AP3D1: variants seen among roughly 807,000 people sequenced by gnomAD.
AP3D1 encodes adaptor related protein complex 3 subunit delta 1.
A neutral mutation model predicts 147.6 loss-of-function variants in AP3D1; 51 were observed. The ratio of observed to expected loss-of-function variants is 0.35; its 90% CI spans 0.28 to 0.44. The LOEUF (loss-of-function observed/expected upper bound fraction) is 0.44, where lower values mean the gene tolerates loss of function less well. Among genes scored for constraint, AP3D1 ranks in the 20% least tolerant of loss-of-function variants. AP3D1 has a pLI of 1.00. For missense variants in AP3D1, 1,421 were observed against 1,624.2 expected (o/e 0.87, Z 2.15); for synonymous variants, 760 against 663.0 (o/e 1.15, Z -2.25).
At chr19:2,124,426 A>T (rs1355896417) in intron 9 of AP3D1, among the ~76,000 whole-genome samples, 1 of 152,202 alleles carries the variant, frequency 6.6e-6, no homozygotes, top group African/African-American at 2.4e-5. Context: ...ACAGGCAGGC[A>T]GCGAGAAGCC....
At chr19:2,129,037 ACACTGCACCCCGTGGAGCCG>A in intron 8 of AP3D1, 33 bp downstream of exon 8, 1 of 1,276,016 alleles carries the variant, frequency 7.8e-7, no homozygotes, top group African/African-American at 1.6e-5. Flanking sequence ...CGCCGCTCCG[ACACTGCACCCCGTGGAGCCG>A]GCCCGCCCCC....
At chr19:2,149,542 T>G (rs1405561295) in intron 1 of AP3D1, among the ~76,000 whole-genome samples, 1 of 90,608 alleles carries the variant, frequency 1.1e-5, no homozygotes, top group African/African-American at 3.5e-5. Context: ...AAACTCCGTC[T>G]CAAAAAAAAA....
intron 1 of AP3D1, among the ~76,000 whole-genome samples, chr19:2,146,830 G>A (rs1043377892): frequency 6.6e-6 from 1 of 152,044 alleles, no homozygotes; most frequent in Non-Finnish European, 1.5e-5. Flanking sequence ...TTAATTTGGG[G>A]TTGATTCTAC....
rs1167169768 is a variant in AP3D1, at chr19:2,108,687, CT to C, written c.3551del (p.Lys1184ArgfsTer18). 2.5e-6 allele frequency: 4 copies of C among 1,577,030 alleles called. No individual in the cohort carries two copies. Among genetic ancestry groups the C allele is most frequent in the Admixed American group, 3.6e-5 (2 of 54,976 alleles). ...GTGTGCACAGCAGCCCGAGGCTCACCTTTTTCACCAGGAGGCAGACATGGTG... is the reference window on the plus strand; with the variant it reads ...GTGTGCACAGCAGCCCGAGGCTCACCTTTTCACCAGGAGGCAGACATGGTG... ...QGHHVCLLVKKGENSVSVDGK... is the reference protein window; with the variant it reads ...QGHHVCLLVKXGENSVSVDGK... On this transcript the variant is annotated frameshift_variant and splice_region_variant, in exon 31 of 32. Coordinates refer to ENST00000643116, the MANE Select transcript of AP3D1 (RefSeq NM_001261826.3). LOFTEE classifies it high-confidence loss of function.
Position 2,147,361 on chromosome 19 carries a change from A to G in AP3D1, c.96+3878T>C, listed in dbSNP as rs111360619. Among the ~76,000 whole-genome samples, 1,245 of 149,030 alleles carry G rather than the reference A, an allele frequency of 8.4e-3. 19 individuals are homozygous for G. Among genetic ancestry groups the G allele is most frequent in the African/African-American group, 0.028 (1,144 of 40,638 alleles). ...ACTCTGTCTCAAAAAAAAAAAAAAA[A>G]AAAGAAAAGAAAACACACTCAGTTC... On this transcript the variant is annotated intron_variant, in intron 1 of 31. Transcript: ENST00000643116.
At chr19:2,115,642 G>A in intron 18 of AP3D1, 29 bp from the exon 19 acceptor site, 1 of 1,600,146 alleles carries the variant, frequency 6.2e-7, no homozygotes, top group Non-Finnish European at 8.5e-7. Context: ...GGCGTTACCG[G>A]TGCACCGAGG....
chr19:2,120,825 G>C, intron 14 of AP3D1, 37 bp downstream of exon 14: 8 of 1,583,750 alleles, frequency 5.1e-6, no homozygotes, highest in South Asian at 2.2e-5. Context: ...CAGAAGCTTG[G>C]AGAAGCTGCC....
intron 1 of AP3D1, among the ~76,000 whole-genome samples, chr19:2,142,755 G>GA (rs112161674): frequency 6.9e-6 from 1 of 145,584 alleles, no homozygotes; most frequent in Non-Finnish European, 1.5e-5. Flanking sequence ...GGTTTTTTCT[G>GA]TTTTTTTTTT....
chr19:2,145,321 C>T (rs1028899161), intron 1 of AP3D1, among the ~76,000 whole-genome samples: 7 of 152,314 alleles, frequency 4.6e-5, no homozygotes, highest in Admixed American at 2.6e-4. Flanking sequence ...GCAGGCCACC[C>T]GGGGTCCCCA....
chr19:2,120,109 G>A (rs964181673), intron 14 of AP3D1, among the ~76,000 whole-genome samples: 6 of 152,332 alleles, frequency 3.9e-5, no homozygotes, highest in South Asian at 2.1e-4. Context: ...AGCAGGTAGC[G>A]GCCAGTGGTG....
chr19:2,155,598 T>C (rs2019639098), upstream of AP3D1, among the ~76,000 whole-genome samples: 1 of 151,446 alleles, frequency 6.6e-6, no homozygotes, highest in Non-Finnish European at 1.5e-5. Context: ...TCTGCTGGAC[T>C]TTTCCCCTAT....
chr19:2,147,147 C>G (rs2019377557), intron 1 of AP3D1, among the ~76,000 whole-genome samples: 1 of 152,098 alleles, frequency 6.6e-6, no homozygotes, highest in African/African-American at 2.4e-5. Flanking sequence ...GAGTTCAAGA[C>G]CAGCCTGACC....
At position 2,151,244 on chromosome 19, in the gene AP3D1, C is replaced by T. The variant is rs1343599339; in HGVS notation, c.91G>A (p.Asp31Asn). The T allele has an allele frequency of 2.7e-5, 44 of 1,610,702 alleles. No individual in the cohort carries two copies. The highest frequency in any genetic ancestry group is 3.7e-5 in the Non-Finnish European group (44 of 1,178,482). ...LVRGIRNHKE[D>N]EAKYISQCID... is the part of the protein sequence containing the mutation. ...CCTTGGCGCGCCGGGCTCACCTCGT[C>T]CTCCTTGTGGTTACGGATGCCGCGG... Residue 31 changes from aspartate (D) to asparagine (N), a missense_variant, in exon 1 of 32, where the codon GAC becomes AAC. By Grantham distance (23) the Asp-to-Asn change is conservative. Transcript: ENST00000643116.
At chr19:2,132,311 C>T (rs147544509) in intron 5 of AP3D1, among the ~76,000 whole-genome samples, 160 bp downstream of exon 5, 2 of 152,364 alleles carry the variant, frequency 1.3e-5, no homozygotes, top group East Asian at 1.9e-4. Flanking sequence ...GCCCAAGAGC[C>T]GCTCCACCAG....
chr19:2,136,307 G>A (rs1203271978), intron 4 of AP3D1, among the ~76,000 whole-genome samples: 1 of 152,218 alleles, frequency 6.6e-6, no homozygotes, highest in Non-Finnish European at 1.5e-5. Context: ...CCCAGCCCAG[G>A]ACTTCAGGTC....
At chr19:2,108,427 G>A (rs1156556688) in intron 31 of AP3D1, among the ~76,000 whole-genome samples, 3 of 152,196 alleles carry the variant, frequency 2.0e-5, no homozygotes, top group Non-Finnish European at 4.4e-5. Context: ...GTGGGCAGGA[G>A]TGCAGTGGGA....
chr19:2,131,410 A>G (rs1285868618), intron 5 of AP3D1, among the ~76,000 whole-genome samples: 3 of 150,402 alleles, frequency 2.0e-5, no homozygotes, highest in African/African-American at 7.4e-5. Flanking sequence ...GACAGCGCCC[A>G]TCGGCCACGA....
chr19:2,105,175 T>A (rs1472405358), intron 31 of AP3D1, among the ~76,000 whole-genome samples: 1 of 152,164 alleles, frequency 6.6e-6, no homozygotes, highest in Non-Finnish European at 1.5e-5. Flanking sequence ...CATGAACCCA[T>A]CTGAATACGG....
At chr19:2,143,230 ATTTTTTTT>A (rs776434810) in intron 1 of AP3D1, among the ~76,000 whole-genome samples, 7 of 74,308 alleles carry the variant, frequency 9.4e-5, no homozygotes, top group East Asian at 4.0e-4. Context: ...TGCCTGCCTA[ATTTTTTTT>A]TTTTTTTTTT....
Sources: gnomAD v4.1 joint callset for allele counts (sites outside exome capture counted in the v4.1 genomes callset) on GRCh38, gnomAD v4.1.1 for gene constraint, MANE v1.5 for transcripts, NCBI Gene and HGNC (gene_info 2026-07-23, HGNC 2026-07-21) for gene names.